Variants in FRMPD4 observed in about 807,000 individuals in gnomAD.
The protein encoded by FRMPD4 is FERM and PDZ domain containing 4, also known as FERM and PDZ domain-containing protein 4.
A neutral mutation model predicts 94.1 loss-of-function variants in FRMPD4; 22 were observed. The ratio of observed to expected loss-of-function variants is 0.23; its 90% CI spans 0.17 to 0.33. The LOEUF (loss-of-function observed/expected upper bound fraction) is 0.33. FRMPD4 is among the 10% of genes least tolerant of loss of function. The pLI, the probability that FRMPD4 is intolerant of heterozygous loss-of-function variation, is 1.00. For missense variants in FRMPD4, 1,111 were observed against 1,339.9 expected (o/e 0.83, Z 2.67); for synonymous variants, 631 against 548.6 (o/e 1.15, Z -2.10).
At chrX:11,826,344 A>T (rs1569105143) in intron 1 of FRMPD4, among the ~76,000 whole-genome samples, 2 of 111,297 alleles carry the variant, frequency 1.8e-5, no homozygotes, top group African/African-American at 3.3e-5. Flanking sequence ...TATGCCTAAG[A>T]TGTGATCTAT....
At chrX:12,351,405 G>A (rs1179242579) in intron 1 of FRMPD4, among the ~76,000 whole-genome samples, 2 of 111,168 alleles carry the variant, frequency 1.8e-5, no homozygotes, top group Non-Finnish European at 3.8e-5. Flanking sequence ...ACAGTTCGCA[G>A]TCTTGGTGAT....
rs372490647 is a variant in FRMPD4 at position 12,570,759 on chromosome X, A to G, written c.159-38962A>G. ...GAACCCTATGGATTCTGTTTTTTCAATTTAATAACTGAGAAGGCCACTAAG... is the reference window on the plus strand; with the variant it reads ...GAACCCTATGGATTCTGTTTTTTCAGTTTAATAACTGAGAAGGCCACTAAG... On this transcript the variant is annotated intron_variant, in intron 2 of 16. Coordinates refer to ENST00000675598, the MANE Select transcript of FRMPD4 (RefSeq NM_001368397.1). Among the ~76,000 whole-genome samples the G allele has an allele frequency of 1.5e-3, 172 of 111,406 alleles. 5 individuals carry two copies. In the South Asian group the frequency reaches 0.064, roughly 42 times the overall value.
chrX:12,079,432 G>T (rs1268762662), intron 3 of FRMPD4, among the ~76,000 whole-genome samples: 3 of 111,066 alleles, frequency 2.7e-5, no homozygotes, highest in Non-Finnish European at 5.7e-5. Context: ...TCAGATGAAA[G>T]ATACAGTTAT....
chrX:12,707,648 G>A lies in FRMPD4; in HGVS notation c.1467G>A (p.Val489=). The A allele has an allele frequency of 8.4e-7, 1 of 1,193,464 alleles. No individual in the cohort carries two copies. The highest frequency in any genetic ancestry group is 1.1e-6 in the Non-Finnish European group (1 of 883,441). The change falls in exon 13 of 17, where the codon GTG becomes GTA. Residue 489 remains valine (V), a synonymous_variant. Coordinates refer to ENST00000675598, the MANE Select transcript of FRMPD4 (RefSeq NM_001368397.1). ...LVRVELHVLD[V]KPITLLMESS... ...GGGTAGAACTCCACGTGCTAGATGT[G>A]AAGGCAAGTTTCTCAGGTGTTGACA...
intron 3 of FRMPD4, among the ~76,000 whole-genome samples, chrX:12,102,222 T>C (rs1334129622): frequency 2.7e-5 from 3 of 111,915 alleles, no homozygotes; most frequent in African/African-American, 9.7e-5. Context: ...ATCAACTTTT[T>C]CCTTAGCATG....
chrX:12,417,792 G>A (rs751126235), intron 1 of FRMPD4, among the ~76,000 whole-genome samples: 31 of 107,397 alleles, frequency 2.9e-4, no homozygotes, highest in Admixed American at 2.8e-3. Context: ...GGCGGATCAC[G>A]AGGTCAGGAG....
Position 12,454,136 on chromosome X carries a change from G to T in FRMPD4, c.42-44544G>T, listed in dbSNP as rs185945930. Among the ~76,000 whole-genome samples, 4 of 112,160 alleles carry T rather than the reference G, an allele frequency of 3.6e-5. No homozygotes were observed. In the East Asian group the frequency reaches 1.1e-3, roughly 31 times the overall value. On this transcript the variant is annotated intron_variant, in intron 1 of 16. Transcript: ENST00000675598. The stretch of plus-strand genomic sequence containing the variant: ...AAAAATAGCATTGTCTTAGCTAAAA[G>T]TTGGTCTTCAGATTCATAAGTTTCT...
intron 1 of FRMPD4, among the ~76,000 whole-genome samples, chrX:12,405,009 G>A (rs1217953876): frequency 9.0e-6 from 1 of 111,470 alleles, no homozygotes; most frequent in Non-Finnish European, 1.9e-5. Flanking sequence ...CTGAGGCCTG[G>A]TTTAAATTAG....
rs1443439773 is a variant in FRMPD4 at position 12,716,683 on chromosome X, G to A, written c.2224G>A (p.Ala742Thr). ...ACCCCTCTTGCATGACATCTGTTAT[G>A]CAGAAAACACTGATGACGCGGAGGA... ...EEPLLHDICY[A>T]ENTDDAEDED... Residue 742 changes from alanine (A) to threonine (T), a missense_variant, in exon 15 of 17, where the codon GCA (alanine) becomes ACA (threonine). Transcript: ENST00000675598. 4.1e-6 allele frequency: 5 copies of A among 1,209,617 alleles called. No individual in the cohort carries two copies. Among genetic ancestry groups the A allele is most frequent in the Admixed American group, 2.2e-5 (1 of 45,847 alleles).
chrX:11,856,677 A>G (rs1184063308), intron 1 of FRMPD4, among the ~76,000 whole-genome samples: 1 of 112,067 alleles, frequency 8.9e-6, no homozygotes, highest in East Asian at 2.8e-4. Flanking sequence ...CACCACTCCT[A>G]TTCAGCATAG....
At chrX:12,098,166 G>T (rs1455366444) in intron 3 of FRMPD4, among the ~76,000 whole-genome samples, 3 of 111,012 alleles carry the variant, frequency 2.7e-5, no homozygotes, top group Non-Finnish European at 3.8e-5. Flanking sequence ...ATATATTTCA[G>T]GTAATTGAAT....
At chrX:12,356,987 A>G (rs1378650028) in intron 1 of FRMPD4, among the ~76,000 whole-genome samples, 1 of 112,509 alleles carries the variant, frequency 8.9e-6, no homozygotes, top group Non-Finnish European at 1.9e-5. Flanking sequence ...GAAATCATCT[A>G]TAAGACTTGT....
intron 3 of FRMPD4, among the ~76,000 whole-genome samples, chrX:12,049,248 T>C (rs182698242): frequency 1.8e-5 from 2 of 111,657 alleles, no homozygotes; most frequent in Non-Finnish European, 3.8e-5. Flanking sequence ...TTTGTGTGGC[T>C]GTTGTAAATA....
At chrX:11,885,872 A>T (rs1416447579) in intron 3 of FRMPD4, among the ~76,000 whole-genome samples, 1 of 111,872 alleles carries the variant, frequency 8.9e-6, no homozygotes, top group Non-Finnish European at 1.9e-5. Flanking sequence ...TAGCAGCATA[A>T]CCCCATAGGT....
At chrX:12,658,100 G>A (rs937990094) in intron 4 of FRMPD4, among the ~76,000 whole-genome samples, 2 of 111,830 alleles carry the variant, frequency 1.8e-5, no homozygotes, top group Non-Finnish European at 1.9e-5. Context: ...CAAGACCTGG[G>A]CTTCCTGTGG....
chrX:12,068,430 T>C (rs942822854), intron 3 of FRMPD4, among the ~76,000 whole-genome samples: 1 of 112,115 alleles, frequency 8.9e-6, no homozygotes, highest in Non-Finnish European at 1.9e-5. Context: ...TAAGCTCAGA[T>C]TTTTAAAAAT....
chrX:11,824,262 G>A (rs765640979), intron 1 of FRMPD4, among the ~76,000 whole-genome samples: 3 of 111,538 alleles, frequency 2.7e-5, no homozygotes, highest in East Asian at 2.8e-4. Flanking sequence ...TAAGTTTGGG[G>A]CACATAATAG....
chrX:12,563,239 TACACACACACACAC>T (rs369700317), intron 2 of FRMPD4, among the ~76,000 whole-genome samples: 1 of 97,248 alleles, frequency 1.0e-5, no homozygotes, highest in African/African-American at 3.9e-5. Context: ...TGTAAGTGTG[TACACACACACACAC>T]ACACACACAC....
chrX:12,244,419 C>G (rs2053925261), intron 1 of FRMPD4, among the ~76,000 whole-genome samples: 3 of 111,919 alleles, frequency 2.7e-5, no homozygotes, highest in African/African-American at 9.7e-5. Flanking sequence ...GATCTCCCTT[C>G]TCTTGAGGCA....
Sources: gnomAD v4.1 joint callset for allele counts (sites outside exome capture counted in the v4.1 genomes callset) on GRCh38, gnomAD v4.1.1 for gene constraint, MANE v1.5 for transcripts, NCBI Gene and HGNC (gene_info 2026-07-23, HGNC 2026-07-21) for gene names.